MACF1: variants seen among roughly 807,000 people sequenced by gnomAD.
The protein encoded by MACF1 is microtubule-actin cross-linking factor 1.
In MACF1, 193 loss-of-function variants were observed where a neutral mutation model predicts 854.8. The observed-to-expected ratio is 0.23, with a 90% CI of 0.20 to 0.25. MACF1 has a LOEUF of 0.25. Ranked by LOEUF, MACF1 falls within the 10% of genes least tolerant of loss-of-function variation. MACF1 has a pLI of 1.00. For missense variants in MACF1, 7,722 were observed against 8,929.1 expected, an observed-to-expected ratio of 0.86 and a Z score of 5.45; for synonymous variants, 3,185 against 3,226.7, an observed-to-expected ratio of 0.99 and a Z score of 0.44.
chr1:39,466,431 T>C (rs1644668741), intron 95 of MACF1, among the ~76,000 whole-genome samples: 1 of 152,106 alleles, frequency 6.6e-6, no homozygotes, highest in Non-Finnish European at 1.5e-5. Flanking sequence ...AGCTTTAGTG[T>C]GAAATTAAGG....
At chr1:39,192,659 G>A (rs1392092165) in intron 2 of MACF1, among the ~76,000 whole-genome samples, 1 of 152,172 alleles carries the variant, frequency 6.6e-6, no homozygotes, top group Non-Finnish European at 1.5e-5. Context: ...TTAGTCTTCT[G>A]TGTCTATCTA....
intron 2 of MACF1, among the ~76,000 whole-genome samples, chr1:39,180,630 AAAG>A (rs1644092307): frequency 1.3e-5 from 2 of 152,180 alleles, no homozygotes; most frequent in Non-Finnish European, 2.9e-5. Flanking sequence ...GCACACACAC[AAAG>A]AAGATGTACT....
chr1:39,341,867 A>G (rs1384154235), intron 40 of MACF1, among the ~76,000 whole-genome samples: 1 of 151,336 alleles, frequency 6.6e-6, no homozygotes, highest in Non-Finnish European at 1.5e-5. Flanking sequence ...CCACGATCCA[A>G]TCCTACGTGC....
chr1:39,395,223 C>T (rs1038808104), intron 58 of MACF1, among the ~76,000 whole-genome samples: 1 of 152,126 alleles, frequency 6.6e-6, no homozygotes. Context: ...CCCAGTTGTA[C>T]AACTAAAAAT....
chr1:39,209,131 A>T (rs1644487662), intron 1 of MACF1, among the ~76,000 whole-genome samples: 1 of 151,974 alleles, frequency 6.6e-6, no homozygotes, highest in Non-Finnish European at 1.5e-5. Context: ...ACATACCTGT[A>T]ATCCCAGCTA....
In MACF1 at chr1:39,479,923, A is replaced by T; in HGVS notation, c.22084A>T (p.Thr7362Ser). Reference sequence around the variant, plus strand: ...ACCATCTTCCCGGGCAGCTTCCCCTACTCGTTCCAGCTCCAGTGCTAGTCA... The same window carrying T: ...ACCATCTTCCCGGGCAGCTTCCCCTTCTCGTTCCAGCTCCAGTGCTAGTCA... ...SKPSSRAASP[T>S]RSSSSASQSN... Residue 7362 changes from threonine to serine, a missense_variant, in exon 98 of 101, where the codon ACT (threonine) becomes TCT (serine). Coordinates refer to ENST00000564288, the MANE Select transcript of MACF1 (RefSeq NM_001394062.1). 6.2e-7 allele frequency: 1 copy of T among 1,614,118 alleles called. No individual in the cohort carries two copies. Among genetic ancestry groups the T allele is most frequent in the Non-Finnish European group, 8.5e-7 (1 of 1,180,006 alleles).
At chr1:39,480,228 T>G (rs1644989193) in intron 98 of MACF1, 1 of 440,856 alleles carries the variant, frequency 2.3e-6, no homozygotes, top group Non-Finnish European at 4.2e-6. Flanking sequence ...AAAGGACATT[T>G]ATTAAAATAT....
chr1:39,280,979 A>G (rs916555360), intron 6 of MACF1, among the ~76,000 whole-genome samples: 6 of 152,206 alleles, frequency 3.9e-5, no homozygotes, highest in African/African-American at 1.4e-4. Flanking sequence ...GGAAGAGATA[A>G]GGGAACCCTT....
chr1:39,477,624 G>T (rs1338864933), intron 97 of MACF1, among the ~76,000 whole-genome samples: 1 of 151,976 alleles, frequency 6.6e-6, no homozygotes. Context: ...TGGTCTGAGG[G>T]GAGGAGTGGA....
At chr1:39,103,968 C>T (rs1303994179) in intron 2 of MACF1, among the ~76,000 whole-genome samples, 2 of 152,246 alleles carry the variant, frequency 1.3e-5, no homozygotes, top group African/African-American at 2.4e-5. Flanking sequence ...GCACTACTCA[C>T]AAGGTACAAA....
intron 2 of MACF1, among the ~76,000 whole-genome samples, chr1:39,198,552 G>A (rs1644351444): frequency 6.6e-6 from 1 of 151,856 alleles, no homozygotes; most frequent in African/African-American, 2.4e-5. Flanking sequence ...TCAGGAGGCT[G>A]AGGCAGGAGA....
At chr1:39,419,798 A>AGTGTGTGTGTGT (rs3080664) in intron 58 of MACF1, among the ~76,000 whole-genome samples, 1,599 of 131,024 alleles carry the variant, frequency 0.012, 23 homozygotes, top group East Asian at 0.043. Flanking sequence ...ATGCCTGGCT[A>AGTGTGTGTGTGT]GTGTGTGTGT....
intron 2 of MACF1, among the ~76,000 whole-genome samples, chr1:39,122,966 G>A (rs1642755364): frequency 6.6e-6 from 1 of 151,954 alleles, no homozygotes; most frequent in South Asian, 2.1e-4. Context: ...TGGGGTCTGG[G>A]AGGGGAGAGG....
chr1:39,130,465 T>A (rs967530), intron 2 of MACF1, among the ~76,000 whole-genome samples: 89,086 of 152,100 alleles, frequency 0.59, 28,022 homozygotes, highest in South Asian at 0.75. Flanking sequence ...TTTCTCTGTT[T>A]TCAGATAAAT....
In MACF1 at chr1:39,451,162, C is replaced by T; in HGVS notation, c.20369C>T (p.Pro6790Leu). Residue 6790 changes from proline (P) to leucine (L), a missense_variant, in exon 85 of 101, where the codon CCC (proline) becomes CTC (leucine). Physicochemically the swap from Pro to Leu is moderately conservative, Grantham distance 98. This residue lies in a region of MACF1 where 729 missense variants were observed against 900.5 expected (regional missense o/e 0.81). Transcript: ENST00000564288. ...KVEPQLAEDQPVHGDLDLVMN... is the reference protein window; with the variant it reads ...KVEPQLAEDQLVHGDLDLVMN... ...GAGCCACAGCTGGCTGAGGACCAGC[C>T]CGTGCACGGGGACCTTGACCTCGTC... 1 of 1,614,084 alleles carries T rather than the reference C, an allele frequency of 6.2e-7. No individual in the cohort carries two copies. The highest frequency in any genetic ancestry group is 2.2e-5 in the East Asian group (1 of 44,858).
chr1:39,367,905 A>C (rs1648876954), intron 49 of MACF1, among the ~76,000 whole-genome samples: 1 of 151,662 alleles, frequency 6.6e-6, no homozygotes, highest in South Asian at 2.1e-4. Context: ...AGGAGGCGGA[A>C]GTTGCAGTGA....
intron 88 of MACF1, 95 bp downstream of exon 88, chr1:39,453,945 T>C (rs1362012044): frequency 1.4e-6 from 2 of 1,407,976 alleles, no homozygotes; most frequent in Non-Finnish European, 1.9e-6. Flanking sequence ...AATCTTTCAC[T>C]CACTGTGAAT....
At chr1:39,181,006 A>G (rs1418080709) in intron 2 of MACF1, among the ~76,000 whole-genome samples, 1 of 152,172 alleles carries the variant, frequency 6.6e-6, no homozygotes, top group Non-Finnish European at 1.5e-5. Context: ...CCCGGGTTCA[A>G]GTGATTCTTG....
Position 39,459,152 on chromosome 1 carries a change from C to A in MACF1, c.21263C>A (p.Pro7088Gln), listed in dbSNP as rs1401992292. Residue 7088 changes from proline to glutamine, a missense_variant, in exon 91 of 101, where the codon CCA (proline) becomes CAA (glutamine). This residue lies in a region of MACF1 where 729 missense variants were observed against 900.5 expected (regional missense o/e 0.81). Coordinates refer to ENST00000564288, the MANE Select transcript of MACF1 (RefSeq NM_001394062.1). The stretch of plus-strand genomic sequence containing the variant: ...CTTTCACAGTCTGAAGCAAAAAACC[C>A]ACGGATCAACCAGCTTTCTGCCCGC... ...PILSQSEAKN[P>Q]RINQLSARWQ... The A allele has an allele frequency of 1.9e-6, 3 of 1,613,992 alleles. No individual in the cohort carries two copies. The Admixed American group carries it at 5.0e-5, about 27-fold the overall frequency.
Sources: gnomAD v4.1 joint callset for allele counts (sites outside exome capture counted in the v4.1 genomes callset) on GRCh38, gnomAD v4.1.1 for gene constraint, gnomAD v4.1.1 regional missense constraint, MANE v1.5 for transcripts, NCBI Gene and HGNC (gene_info 2026-07-23, HGNC 2026-07-21) for gene names.